Variants in ANKHD1 observed in about 807,000 individuals in gnomAD.
ANKHD1 encodes the protein ankyrin repeat and KH domain containing 1.
Under a neutral mutation model 230.5 loss-of-function variants are expected in ANKHD1, and 31 were observed. That is an observed-to-expected ratio of 0.13 (90% CI 0.10 to 0.18). The LOEUF is 0.18. ANKHD1 is among the 10% of genes least tolerant of loss of function. ANKHD1 has a pLI of 1.00. For synonymous variants in ANKHD1, 1,074 were observed against 1,117.6 expected, an observed-to-expected ratio of 0.96 and a Z score of 0.78; for missense variants, 2,256 against 3,071.3, an observed-to-expected ratio of 0.73 and a Z score of 6.27.
chr5:140,512,725 A>G, intron 22 of ANKHD1, 103 bp from the exon 23 acceptor site: 1 of 1,079,226 alleles, frequency 9.3e-7, no homozygotes, highest in Admixed American at 3.1e-5. Flanking sequence ...ATGCAAAATC[A>G]AGGGATTCCT....
At chr5:140,509,496 T>C in intron 20 of ANKHD1, 141 bp from the exon 21 acceptor site, 1 of 1,014,528 alleles carries the variant, frequency 9.9e-7, no homozygotes, top group Non-Finnish European at 1.3e-6. Context: ...TTAGCTCTTT[T>C]ATGAGAGCTA....
chr5:140,450,687 A>G (rs1161345033), intron 7 of ANKHD1, among the ~76,000 whole-genome samples: 2 of 152,138 alleles, frequency 1.3e-5, no homozygotes, highest in African/African-American at 4.8e-5. Flanking sequence ...CTAGAGGGGC[A>G]CGTTACCATG....
chr5:140,496,006 C>T (rs1289346073), intron 14 of ANKHD1, among the ~76,000 whole-genome samples: 2 of 152,176 alleles, frequency 1.3e-5, no homozygotes, highest in African/African-American at 4.8e-5. Flanking sequence ...CTGAAAAACA[C>T]TATCCCCTAC....
chr5:140,462,934 C>T (rs761693234), intron 9 of ANKHD1, among the ~76,000 whole-genome samples: 1 of 152,092 alleles, frequency 6.6e-6, no homozygotes, highest in Non-Finnish European at 1.5e-5. Context: ...CAACTTTGAA[C>T]TCCTGGGCTC....
intron 1 of ANKHD1, among the ~76,000 whole-genome samples, chr5:140,409,221 A>G (rs1163557736): frequency 6.6e-6 from 1 of 152,224 alleles, no homozygotes; most frequent in African/African-American, 2.4e-5. Flanking sequence ...TATGCTTATA[A>G]CCTGAACAAG....
intron 1 of ANKHD1, among the ~76,000 whole-genome samples, chr5:140,408,302 C>G (rs899508515): frequency 5.9e-5 from 9 of 152,162 alleles, no homozygotes; most frequent in African/African-American, 2.2e-4. Flanking sequence ...TCTTCAAATT[C>G]TACCCTTCAA....
rs758160379 is a variant in ANKHD1 at position 140,402,102 on chromosome 5, G to A, written c.135G>A (p.Arg45=). Residue 45 remains arginine (R), a synonymous_variant, in exon 1 of 34, where the codon AGG becomes AGA. Coordinates refer to ENST00000360839, the MANE Select transcript of ANKHD1 (RefSeq NM_017747.3). ...GGVGLGIRTV[R]LFGEAGPASG... is the part of the protein sequence containing the mutation. Reference sequence around the variant, plus strand: ...TCGGTCTGGGGATCCGCACCGTGAGGCTCTTTGGGGAGGCCGGGCCAGCGT... The same window carrying A: ...TCGGTCTGGGGATCCGCACCGTGAGACTCTTTGGGGAGGCCGGGCCAGCGT... 6.5e-7 allele frequency: 1 copy of A among 1,526,970 alleles called. No homozygotes were observed. Among genetic ancestry groups the A allele is most frequent in the Non-Finnish European group, 8.8e-7 (1 of 1,142,280 alleles). The allele number at this position is 1,526,970 out of a possible 1,614,324, so 94.6% of individuals were successfully genotyped here.
At chr5:140,475,588 A>C (rs1281396330) in intron 10 of ANKHD1, among the ~76,000 whole-genome samples, 1 of 152,228 alleles carries the variant, frequency 6.6e-6, no homozygotes, top group Non-Finnish European at 1.5e-5. Context: ...AAAGGGGGGA[A>C]AAATTAGCAA....
intron 24 of ANKHD1, among the ~76,000 whole-genome samples, chr5:140,520,684 A>T (rs1581368938): frequency 1.3e-5 from 2 of 151,202 alleles, no homozygotes; most frequent in East Asian, 3.9e-4. Flanking sequence ...CAAGAACAAA[A>T]AACCAAACAC....
At chr5:140,473,696 C>CA (rs1398798459) in intron 10 of ANKHD1, among the ~76,000 whole-genome samples, 1 of 152,134 alleles carries the variant, frequency 6.6e-6, no homozygotes, top group Non-Finnish European at 1.5e-5. Flanking sequence ...GTTTATTTTA[C>CA]AAAATGTGAT....
At chr5:140,456,374 T>C (rs1775192391) in intron 7 of ANKHD1, among the ~76,000 whole-genome samples, 1 of 152,158 alleles carries the variant, frequency 6.6e-6, no homozygotes, top group Non-Finnish European at 1.5e-5. Flanking sequence ...AAAGTTCATA[T>C]GGAACCAAAA....
At chr5:140,479,825 A>G (rs1202860895) in intron 10 of ANKHD1, among the ~76,000 whole-genome samples, 1 of 150,316 alleles carries the variant, frequency 6.7e-6, no homozygotes, top group Non-Finnish European at 1.5e-5. Context: ...ATATGTGTGT[A>G]ATGTATATAT....
intron 10 of ANKHD1, 48 bp from the exon 11 acceptor site, chr5:140,482,531 TG>T (rs753504785): frequency 6.3e-7 from 1 of 1,590,124 alleles, no homozygotes; most frequent in South Asian, 1.1e-5. Flanking sequence ...TTAAAATAGA[TG>T]GTTAGACTGT....
chr5:140,470,442 C>T (rs1776406277), intron 10 of ANKHD1, among the ~76,000 whole-genome samples: 1 of 148,796 alleles, frequency 6.7e-6, no homozygotes, highest in Non-Finnish European at 1.5e-5. Context: ...TTTTTCTATT[C>T]TGTTAACGTC....
chr5:140,447,736 G>A (rs1320962497), intron 6 of ANKHD1, among the ~76,000 whole-genome samples: 3 of 152,130 alleles, frequency 2.0e-5, no homozygotes, highest in Admixed American at 2.0e-4. Flanking sequence ...TATCCACAAG[G>A]TTACAATAAA....
At chr5:140,419,486 G>T in intron 1 of ANKHD1, among the ~76,000 whole-genome samples, 1 of 141,498 alleles carries the variant, frequency 7.1e-6, no homozygotes. Flanking sequence ...TTTTGAGATG[G>T]TCTCACTCTG....
At chr5:140,454,375 A>G (rs1417343586) in intron 7 of ANKHD1, among the ~76,000 whole-genome samples, 1 of 152,224 alleles carries the variant, frequency 6.6e-6, no homozygotes, top group East Asian at 1.9e-4. Context: ...ATAGGCATCT[A>G]CAGAACTCTC....
chr5:140,505,961 G>A, intron 18 of ANKHD1, 92 bp downstream of exon 18: 1 of 1,504,150 alleles, frequency 6.6e-7, no homozygotes, highest in Non-Finnish European at 8.8e-7. Flanking sequence ...AATAAAATTT[G>A]CATGTATTTT....
chr5:140,505,383 A>G lies in ANKHD1; in HGVS notation c.3262+150A>G, dbSNP rs1161843768. ...AATATCTGGATTCATTATTCTGCGG[A>G]GCCAAATAATTCTCAAAACATTCAA... On this transcript the variant is annotated intron_variant, in intron 17 of 33. Coordinates refer to ENST00000360839, the MANE Select transcript of ANKHD1 (RefSeq NM_017747.3). 2.9e-6 allele frequency: 3 copies of G among 1,031,698 alleles called. No individual in the cohort carries two copies. In the South Asian group the frequency reaches 5.3e-5, roughly 18 times the overall value. 63.9% of individuals were successfully genotyped at this position (1,031,698 alleles called of 1,614,324 possible). A position where few individuals can be genotyped will look rare whatever the true frequency, so the allele number is the denominator to read the frequency against.
Sources: allele counts gnomAD v4.1 joint callset (sites outside exome capture counted in the v4.1 genomes callset), GRCh38; gene constraint gnomAD v4.1.1; transcripts MANE v1.5; gene names NCBI Gene and HGNC (gene_info 2026-07-23, HGNC 2026-07-21).